ERI1: variants seen among roughly 807,000 people sequenced by gnomAD.
ERI1 encodes exoribonuclease 1.
Under a neutral mutation model 39.7 loss-of-function variants are expected in ERI1, and 39 were observed. The ratio of observed to expected loss-of-function variants is 0.98; its 90% CI spans 0.76 to 1.28. ERI1 has a LOEUF of 1.28. Among genes scored for constraint, ERI1 ranks in the 50% most tolerant of loss-of-function variants. The pLI is 0.00. For missense variants in ERI1, 581 were observed against 416.9 expected (o/e 1.39, Z -3.43); for synonymous variants, 204 against 149.6 (o/e 1.36, Z -2.65).
chr8:9,078,500 C>T (rs1355365843), intron 3 of ERI1, among the ~76,000 whole-genome samples: 1 of 151,998 alleles, frequency 6.6e-6, no homozygotes, highest in Admixed American at 6.6e-5. Context: ...GTTTTTTAAC[C>T]CAAAGTGCAG....
At chr8:9,065,539 C>T (rs535513283) in intron 3 of ERI1, among the ~76,000 whole-genome samples, 4 of 151,866 alleles carry the variant, frequency 2.6e-5, no homozygotes, top group Admixed American at 2.0e-4. Context: ...ACTAAAAATA[C>T]AAAAAATTAG....
At chr8:9,065,709 A>T (rs531714615) in intron 3 of ERI1, among the ~76,000 whole-genome samples, 19 of 50,742 alleles carry the variant, frequency 3.7e-4, no homozygotes, top group East Asian at 3.5e-3. Flanking sequence ...AAAAAAAAAA[A>T]AAAAAGGCTG....
At position 9,012,045 on chromosome 8, in the gene ERI1, AC is replaced by A. The variant is rs1486603973; in HGVS notation, c.498+294del. On this transcript the variant is annotated intron_variant, in intron 3 of 6. Coordinates refer to ENST00000250263, the MANE Select transcript of ERI1 (RefSeq NM_153332.4). ...TGGTAAGTAAAAAAATAAAGAAAACACTAATGATACTGATGCCTGGCCCTAG... is the reference window on the plus strand; with the variant it reads ...TGGTAAGTAAAAAAATAAAGAAAACATAATGATACTGATGCCTGGCCCTAG... 3.2e-4 allele frequency among the ~76,000 whole-genome samples: 48 copies of A among 152,256 alleles called. No individual in the cohort carries two copies. In the East Asian group the frequency reaches 8.7e-3, roughly 28 times the overall value.
intron 3 of ERI1, among the ~76,000 whole-genome samples, chr8:9,013,337 A>G (rs1327354661): frequency 6.6e-6 from 1 of 151,792 alleles, no homozygotes; most frequent in Non-Finnish European, 1.5e-5. Flanking sequence ...AAAAAAAAAA[A>G]AAAAAAATTA....
downstream of ERI1, among the ~76,000 whole-genome samples, chr8:9,034,882 C>G (rs1049889196): frequency 4.6e-5 from 7 of 152,200 alleles, no homozygotes; most frequent in South Asian, 2.1e-4. Flanking sequence ...ATTAAAAGTG[C>G]TGCTCCAGTG....
At position 9,011,737 on chromosome 8, in the gene ERI1, G is replaced by T. The variant is rs371640018; in HGVS notation, c.483G>T (p.Thr161=). The T allele has an allele frequency of 1.5e-5, 24 of 1,600,444 alleles. No homozygotes were observed. The highest frequency in any genetic ancestry group is 2.0e-5 in the Non-Finnish European group (23 of 1,171,626). ...AATTTCCGGTTGTTTTACTGAATACGCATACTTTAGAAATAGTAAGTGAAT... is the reference window on the plus strand; with the variant it reads ...AATTTCCGGTTGTTTTACTGAATACTCATACTTTAGAAATAGTAAGTGAAT... ...IIEFPVVLLN[T]HTLEIEDTFQ... The change falls in exon 3 of 7, where the codon ACG becomes ACT. Residue 161 remains threonine, a synonymous_variant. Transcript: ENST00000250263.
chr8:9,065,135 G>A (rs982304295), intron 3 of ERI1, among the ~76,000 whole-genome samples: 2 of 152,200 alleles, frequency 1.3e-5, no homozygotes, highest in Admixed American at 1.3e-4. Flanking sequence ...CCGGCCATCT[G>A]GATGTGTACG....
chr8:9,017,199 T>C (rs1049312729), intron 4 of ERI1, among the ~76,000 whole-genome samples: 5 of 151,900 alleles, frequency 3.3e-5, no homozygotes, highest in Non-Finnish European at 5.9e-5. Flanking sequence ...ACCACGATGA[T>C]TGGCTAATTT....
intron 5 of ERI1, among the ~76,000 whole-genome samples, chr8:9,019,209 C>G (rs1471367858): frequency 6.6e-6 from 1 of 152,110 alleles, no homozygotes; most frequent in African/African-American, 2.4e-5. Flanking sequence ...AGGGCAACTC[C>G]GATACCTTAA....
chr8:9,092,579 C>T (rs534554015), intron 3 of ERI1, among the ~76,000 whole-genome samples: 13 of 152,284 alleles, frequency 8.5e-5, no homozygotes, highest in African/African-American at 2.2e-4. Flanking sequence ...TGTTTTCCTT[C>T]GGTCTTTCTC....
rs79799938 is a variant in ERI1 at position 9,092,614 on chromosome 8, A to G, written n.300-23734A>G. 3.1e-3 allele frequency among the ~76,000 whole-genome samples: 475 copies of G among 152,352 alleles called. 2 individuals are homozygous for G. Among genetic ancestry groups the G allele is most frequent in the African/African-American group, 0.011 (437 of 41,580 alleles). On this transcript the variant is annotated intron_variant and non_coding_transcript_variant, in intron 3 of 3. Coordinates refer to the ERI1 transcript ENST00000518663. ...CACACATATCAACCTCTTCGGATGC[A>G]TGACGGCTGTGAGCTGAGAGCGCTG...
chr8:9,062,303 G>C (rs1339925928), intron 3 of ERI1, among the ~76,000 whole-genome samples: 2 of 151,972 alleles, frequency 1.3e-5, no homozygotes, highest in Non-Finnish European at 2.9e-5. Context: ...GGGGATACGA[G>C]AGGAGAATGC....
chr8:9,004,386 C>T, intron 1 of ERI1: 1 of 738,074 alleles, frequency 1.4e-6, no homozygotes, highest in Admixed American at 5.0e-5. Flanking sequence ...AGTCTTGACA[C>T]TTTTACAGCT....
At chr8:9,064,357 A>G (rs1798801458) in intron 3 of ERI1, among the ~76,000 whole-genome samples, 1 of 152,096 alleles carries the variant, frequency 6.6e-6, no homozygotes. Context: ...GTGAGGGACA[A>G]AGGCAGGCGT....
At chr8:9,006,989 A>C (rs1227949341) in intron 1 of ERI1, among the ~76,000 whole-genome samples, 3 of 152,238 alleles carry the variant, frequency 2.0e-5, no homozygotes, top group African/African-American at 7.2e-5. Context: ...ATTATAACTA[A>C]GGTAACAAGC....
rs114631105 is a variant in ERI1, at chr8:9,004,199, G to C, written c.108+1028G>C. 570 of 1,284,588 alleles carry C rather than the reference G, an allele frequency of 4.4e-4. 5 individuals carry two copies. In the African/African-American group the frequency reaches 7.8e-3, roughly 18 times the overall value. The allele number at this position is 1,284,588 out of a possible 1,614,324, so 79.6% of individuals were successfully genotyped here. A position where few individuals can be genotyped will look rare whatever the true frequency, so the allele number is the denominator to read the frequency against. On this transcript the variant is annotated intron_variant, in intron 1 of 6. Coordinates refer to ENST00000250263, the MANE Select transcript of ERI1 (RefSeq NM_153332.4). ...CAATTATCTTTCTCCTTCTAAGGTT[G>C]TTATTTCAAAGAGTACTTGCACATC... is the stretch of plus-strand genomic sequence containing the variant.
chr8:9,042,485 C>G (rs183636656), intron 3 of ERI1, among the ~76,000 whole-genome samples: 4 of 152,336 alleles, frequency 2.6e-5, no homozygotes, highest in Admixed American at 2.6e-4. Context: ...ACAGCCTACT[C>G]TTGTGTCACT....
At chr8:9,033,999 G>A (rs188527550), downstream of ERI1, among the ~76,000 whole-genome samples, 6 of 152,242 alleles carry the variant, frequency 3.9e-5, no homozygotes, top group East Asian at 1.9e-4. Flanking sequence ...AGGTTTTTTC[G>A]GAGATGGGGA....
At chr8:9,023,585 CTTT>C in intron 6 of ERI1, among the ~76,000 whole-genome samples, 1 of 152,038 alleles carries the variant, frequency 6.6e-6, no homozygotes, top group East Asian at 1.9e-4. Context: ...TTAGCCTGCT[CTTT>C]TTGTGTGTGG....
Sources: allele counts gnomAD v4.1 joint callset (sites outside exome capture counted in the v4.1 genomes callset), GRCh38; gene constraint gnomAD v4.1.1; transcripts MANE v1.5; gene names NCBI Gene and HGNC (gene_info 2026-07-23, HGNC 2026-07-21).